LRRC49: variants seen among roughly 807,000 people sequenced by gnomAD.
LRRC49 encodes the protein leucine rich repeat containing 49, also known as leucine-rich repeat-containing protein 49.
A neutral mutation model predicts 83.3 loss-of-function variants in LRRC49; 50 were observed. That is an observed-to-expected ratio of 0.60 (90% CI 0.48 to 0.76). The LOEUF is 0.76. Ranked by LOEUF, LRRC49 falls within the 30% of genes least tolerant of loss-of-function variation. The pLI is 0.00. For synonymous variants in LRRC49, 286 were observed against 283.3 expected, an observed-to-expected ratio of 1.01 and a Z score of -0.10; for missense variants, 704 against 809.1, an observed-to-expected ratio of 0.87 and a Z score of 1.58.
Position 71,051,961 on chromosome 15 carries a change from C to T in LRRC49, c.*2349C>T, listed in dbSNP as rs1778297230. 1 of 152,328 alleles carries T rather than the reference C, an allele frequency of 6.6e-6. No homozygotes were observed. The allele number at this position is 152,328 out of a possible 1,614,324, so 9.4% of individuals were successfully genotyped here. A position where few individuals can be genotyped will look rare whatever the true frequency, so the allele number is the denominator to read the frequency against. On this transcript the variant is annotated 3_prime_UTR_variant, in exon 16 of 16. Transcript: ENST00000260382. ...TGCTCCCACTACCCCATACTGATTT[C>T]TACTTCTTGAATCCTTACTTTGTCG...
chr15:71,002,939 C>CCTT (rs1555439425), intron 11 of LRRC49, among the ~76,000 whole-genome samples: 2 of 43,024 alleles, frequency 4.6e-5, no homozygotes, highest in East Asian at 8.8e-4. Flanking sequence ...ATTTTCTGGC[C>CCTT]TTTTTTTTTT....
intron 2 of LRRC49, among the ~76,000 whole-genome samples, chr15:70,878,492 T>C (rs1365834324): frequency 6.6e-6 from 1 of 150,958 alleles, no homozygotes; most frequent in African/African-American, 2.4e-5. Context: ...CAGTATGATG[T>C]TGAATAAAAG....
intron 1 of LRRC49, among the ~76,000 whole-genome samples, chr15:70,866,955 C>T (rs577115417): frequency 6.6e-6 from 1 of 151,856 alleles, no homozygotes; most frequent in Non-Finnish European, 1.5e-5. Context: ...CAAGTCTGGC[C>T]TTTGGAAAGT....
At chr15:70,856,904 G>A (rs1204884788) in intron 1 of LRRC49, among the ~76,000 whole-genome samples, 3 of 152,090 alleles carry the variant, frequency 2.0e-5, no homozygotes, top group Non-Finnish European at 2.9e-5. Flanking sequence ...GGCTCCTTTC[G>A]ATTTCCAGCT....
chr15:71,005,219 A>C (rs191836374), intron 11 of LRRC49, among the ~76,000 whole-genome samples: 27 of 152,142 alleles, frequency 1.8e-4, no homozygotes, highest in African/African-American at 5.8e-4. Context: ...TCTGCTATTT[A>C]TCTCTCAAGG....
intron 1 of LRRC49, 178 bp from the exon 2 acceptor site, chr15:70,893,406 T>C: frequency 4.9e-6 from 3 of 617,436 alleles, no homozygotes. Flanking sequence ...ACCTTTTAAT[T>C]CTTAGATGTG....
intron 11 of LRRC49, among the ~76,000 whole-genome samples, chr15:70,986,986 C>T (rs1054794884): frequency 2.0e-5 from 3 of 152,114 alleles, no homozygotes; most frequent in Non-Finnish European, 2.9e-5. Context: ...GGATGAAGCC[C>T]ACTTGATCAT....
chr15:71,013,627 C>G (rs1395334059), intron 14 of LRRC49, among the ~76,000 whole-genome samples: 1 of 152,092 alleles, frequency 6.6e-6, no homozygotes. Flanking sequence ...CACTAACTGA[C>G]GAGGTGGAGC....
At chr15:71,026,496 T>C (rs2039177090) in intron 14 of LRRC49, among the ~76,000 whole-genome samples, 1 of 152,166 alleles carries the variant, frequency 6.6e-6, no homozygotes, top group African/African-American at 2.4e-5. Flanking sequence ...CACCACACAG[T>C]CTTCCACGAT....
chr15:70,955,644 A>G (rs146019783), intron 8 of LRRC49, among the ~76,000 whole-genome samples: 34 of 152,338 alleles, frequency 2.2e-4, no homozygotes, highest in Non-Finnish European at 4.9e-4. Flanking sequence ...GCAAAATGCC[A>G]TCACAGCATA....
intron 1 of LRRC49, among the ~76,000 whole-genome samples, chr15:70,862,015 T>C (rs985830606): frequency 6.6e-6 from 1 of 152,192 alleles, no homozygotes; most frequent in East Asian, 1.9e-4. Flanking sequence ...ATGAAAGTGA[T>C]TGGTAGAAAT....
chr15:71,034,040 C>A (rs1278536719), intron 14 of LRRC49, among the ~76,000 whole-genome samples: 4 of 152,038 alleles, frequency 2.6e-5, no homozygotes, highest in Non-Finnish European at 5.9e-5. Flanking sequence ...CAAAGGGGAT[C>A]TAAACAAACT....
chr15:71,020,576 A>C (rs565965621), intron 14 of LRRC49, among the ~76,000 whole-genome samples: 1 of 152,310 alleles, frequency 6.6e-6, no homozygotes, highest in Non-Finnish European at 1.5e-5. Flanking sequence ...AACAACCAGG[A>C]AAAGAGAAGT....
intron 9 of LRRC49, among the ~76,000 whole-genome samples, chr15:70,971,459 A>G (rs911393107): frequency 7.2e-5 from 11 of 152,192 alleles, no homozygotes; most frequent in Non-Finnish European, 1.3e-4. Flanking sequence ...TTTGGGGTGG[A>G]GAGTTCTGTA....
chr15:70,896,368 G>A (rs2033837176), intron 3 of LRRC49, among the ~76,000 whole-genome samples: 1 of 152,090 alleles, frequency 6.6e-6, no homozygotes, highest in African/African-American at 2.4e-5. Flanking sequence ...AAACTCTAGT[G>A]TCTATCACTT....
intron 1 of LRRC49, among the ~76,000 whole-genome samples, chr15:70,869,388 T>C (rs2032980767): frequency 6.6e-6 from 1 of 152,190 alleles, no homozygotes. Context: ...CTTCTTAGAC[T>C]GCCATATTTA....
chr15:70,897,078 C>G (rs931112320), intron 3 of LRRC49, among the ~76,000 whole-genome samples: 5 of 152,112 alleles, frequency 3.3e-5, no homozygotes. Flanking sequence ...TGTCAATTTC[C>G]TTGACATTTT....
At chr15:71,044,712 G>A (rs2039799756) in intron 15 of LRRC49, among the ~76,000 whole-genome samples, 1 of 151,838 alleles carries the variant, frequency 6.6e-6, no homozygotes, top group Admixed American at 6.6e-5. Flanking sequence ...TTTGAGCCTG[G>A]GAGGCAGAGG....
intron 14 of LRRC49, among the ~76,000 whole-genome samples, chr15:71,013,126 A>G (rs1380244469): frequency 6.6e-6 from 1 of 152,176 alleles, no homozygotes; most frequent in African/African-American, 2.4e-5. Context: ...ATACACATAC[A>G]ATTAAAACGT....
Sources: gnomAD v4.1 joint callset for allele counts (sites outside exome capture counted in the v4.1 genomes callset) on GRCh38, gnomAD v4.1.1 for gene constraint, MANE v1.5 for transcripts, NCBI Gene and HGNC (gene_info 2026-07-23, HGNC 2026-07-21) for gene names.